Variants in DGKB observed in about 807,000 individuals in gnomAD.
The protein encoded by DGKB is diacylglycerol kinase beta.
In DGKB, 67 loss-of-function variants were observed where a neutral mutation model predicts 114.3. The ratio of observed to expected loss-of-function variants is 0.59; its 90% CI spans 0.48 to 0.72. The LOEUF is 0.72. Ranked by LOEUF, DGKB falls within the 30% of genes least tolerant of loss-of-function variation. The probability of loss-of-function intolerance (pLI) is 0.00; values close to 1 mark genes in which losing one functional copy is unlikely to be tolerated. For missense variants in DGKB, 907 were observed against 975.2 expected (o/e 0.93, Z 0.93); for synonymous variants, 398 against 323.1 (o/e 1.23, Z -2.49).
intron 23 of DGKB, among the ~76,000 whole-genome samples, chr7:14,193,129 C>A (rs1040982130): frequency 1.3e-5 from 2 of 151,130 alleles, no homozygotes; most frequent in African/African-American, 4.9e-5. Flanking sequence ...CAGACCCATA[C>A]GCCTGTTTGT....
At chr7:14,771,046 T>C (rs1025911632) in intron 2 of DGKB, among the ~76,000 whole-genome samples, 8 of 152,204 alleles carry the variant, frequency 5.3e-5, no homozygotes, top group African/African-American at 9.6e-5. Context: ...ACAAGTTTTA[T>C]TGGGGTCTAA....
intron 1 of DGKB, among the ~76,000 whole-genome samples, chr7:14,861,986 C>G (rs1294520571): frequency 6.6e-6 from 1 of 151,980 alleles, no homozygotes. Context: ...ATATGACCAC[C>G]AGCACTTACC....
At chr7:14,692,069 T>A (rs1466922054) in intron 9 of DGKB, among the ~76,000 whole-genome samples, 1 of 152,106 alleles carries the variant, frequency 6.6e-6, no homozygotes, top group Admixed American at 6.6e-5. Flanking sequence ...ATACTTTGAG[T>A]TAAATCATAT....
chr7:14,905,113 T>C (rs1455558634), upstream of DGKB, among the ~76,000 whole-genome samples: 2 of 152,102 alleles, frequency 1.3e-5, no homozygotes, highest in Non-Finnish European at 2.9e-5. Context: ...CTAAACATTA[T>C]TGAGAGACAT....
At chr7:14,499,900 G>A (rs1785877681) in intron 20 of DGKB, among the ~76,000 whole-genome samples, 2 of 151,722 alleles carry the variant, frequency 1.3e-5, no homozygotes, top group South Asian at 2.1e-4. Flanking sequence ...AATCAGACCC[G>A]TGGCTCATCC....
chr7:14,323,003 A>G (rs1272540167), intron 23 of DGKB, among the ~76,000 whole-genome samples: 1 of 152,198 alleles, frequency 6.6e-6, no homozygotes, highest in East Asian at 1.9e-4. Context: ...CGTCTACTAT[A>G]GCTGAACATG....
chr7:14,653,443 G>C (rs1228643718), intron 13 of DGKB, among the ~76,000 whole-genome samples: 1 of 151,968 alleles, frequency 6.6e-6, no homozygotes, highest in Non-Finnish European at 1.5e-5. Context: ...CTCATAGGTG[G>C]GAATTGAACA....
At chr7:14,162,177 G>A (rs1016452567) in intron 25 of DGKB, among the ~76,000 whole-genome samples, 2 of 152,128 alleles carry the variant, frequency 1.3e-5, no homozygotes, top group Admixed American at 6.6e-5. Context: ...AGGTCAGAAG[G>A]CAAATGTGAG....
chr7:14,873,290 T>G (rs1202772523), intron 1 of DGKB, among the ~76,000 whole-genome samples: 1 of 152,144 alleles, frequency 6.6e-6, no homozygotes, highest in Non-Finnish European at 1.5e-5. Flanking sequence ...TCACTTAGTT[T>G]AGCCCATTTT....
chr7:14,445,761 C>T (rs73679781), intron 21 of DGKB, among the ~76,000 whole-genome samples: 2,911 of 152,034 alleles, frequency 0.019, 75 homozygotes, highest in African/African-American at 0.067. Context: ...TCCCTAATAA[C>T]TTATATCCAT....
intron 2 of DGKB, 34 bp from the exon 3 acceptor site, chr7:14,757,765 A>G (rs778615438): frequency 2.4e-6 from 3 of 1,241,512 alleles, no homozygotes; most frequent in South Asian, 1.2e-5. Flanking sequence ...AATTGTTTAT[A>G]TGCACATACT....
chr7:14,750,793 CTT>C (rs1016534410), intron 4 of DGKB, among the ~76,000 whole-genome samples: 1 of 89,532 alleles, frequency 1.1e-5, no homozygotes, highest in Non-Finnish European at 2.0e-5. Context: ...ATTTCTATTT[CTT>C]TTTTTTTTTT....
chr7:14,767,309 C>A (rs1213752073), intron 2 of DGKB, among the ~76,000 whole-genome samples: 2 of 151,788 alleles, frequency 1.3e-5, no homozygotes, highest in Non-Finnish European at 2.9e-5. Context: ...AGAGTGGAGG[C>A]ATGGACAGTT....
intron 21 of DGKB, among the ~76,000 whole-genome samples, chr7:14,355,227 T>G (rs1324560070): frequency 6.6e-6 from 1 of 152,140 alleles, no homozygotes; most frequent in Admixed American, 6.6e-5. Context: ...GTCAATCAAT[T>G]GTTTAAGCAC....
chr7:14,882,749 G>T (rs1053022155), intron 1 of DGKB, among the ~76,000 whole-genome samples: 1 of 151,936 alleles, frequency 6.6e-6, no homozygotes, highest in African/African-American at 2.4e-5. Context: ...TTCCATCTAT[G>T]TTGCTGCAGA....
At chr7:14,187,355 A>C (rs73271740) in intron 23 of DGKB, among the ~76,000 whole-genome samples, 4,937 of 151,788 alleles carry the variant, frequency 0.033, 104 homozygotes, top group African/African-American at 0.051. Context: ...CCACACCTGC[A>C]CACACCTGAG....
At chr7:14,482,475 A>G (rs976736435) in intron 20 of DGKB, among the ~76,000 whole-genome samples, 1 of 152,072 alleles carries the variant, frequency 6.6e-6, no homozygotes, top group African/African-American at 2.4e-5. Flanking sequence ...CTTCACATAA[A>G]TATTTCTGCA....
chr7:14,494,892 T>C (rs1194580658), intron 20 of DGKB, among the ~76,000 whole-genome samples: 6 of 151,868 alleles, frequency 4.0e-5, no homozygotes, highest in African/African-American at 1.4e-4. Flanking sequence ...ACAATCCACG[T>C]GGATCTGCAT....
chr7:14,343,722 T>C (rs1812003026), intron 22 of DGKB, among the ~76,000 whole-genome samples: 1 of 151,268 alleles, frequency 6.6e-6, no homozygotes, highest in Non-Finnish European at 1.5e-5. Flanking sequence ...TTGAGCATAA[T>C]TTTTGAGGAT....
Sources: gnomAD v4.1 joint callset for allele counts (sites outside exome capture counted in the v4.1 genomes callset) on GRCh38, gnomAD v4.1.1 for gene constraint, MANE v1.5 for transcripts, NCBI Gene and HGNC (gene_info 2026-07-23, HGNC 2026-07-21) for gene names.